Variants in CRIM1 observed in about 807,000 individuals in gnomAD.
The protein encoded by CRIM1 is cysteine rich transmembrane BMP regulator 1.
In CRIM1, 32 loss-of-function variants were observed where a neutral mutation model predicts 116.4. That is an observed-to-expected ratio of 0.27 (90% CI 0.21 to 0.37). CRIM1 has a LOEUF of 0.37. CRIM1 is among the 10% of genes least tolerant of loss of function. CRIM1 has a pLI of 1.00. For missense variants in CRIM1, 1,331 were observed against 1,354.8 expected (o/e 0.98, Z 0.28); for synonymous variants, 590 against 509.2 (o/e 1.16, Z -2.13).
chr2:36,482,560 A>C (rs994444853), intron 7 of CRIM1, among the ~76,000 whole-genome samples: 1 of 152,242 alleles, frequency 6.6e-6, no homozygotes, highest in East Asian at 1.9e-4. Flanking sequence ...TCAGAGTAGC[A>C]AAAGGATTGT....
chr2:36,528,149 A>G (rs1665881221), intron 13 of CRIM1, among the ~76,000 whole-genome samples: 1 of 152,250 alleles, frequency 6.6e-6, no homozygotes, highest in African/African-American at 2.4e-5. Flanking sequence ...CTCGTAACAC[A>G]GATTGCAGCT....
chr2:36,543,390 G>A (rs914935571), intron 14 of CRIM1, among the ~76,000 whole-genome samples: 4 of 152,188 alleles, frequency 2.6e-5, no homozygotes, highest in Non-Finnish European at 5.9e-5. Flanking sequence ...TCTGAGCAGA[G>A]GGGATTATTA....
intron 1 of CRIM1, among the ~76,000 whole-genome samples, chr2:36,380,704 G>C (rs926274589): frequency 5.9e-5 from 9 of 152,204 alleles, no homozygotes; most frequent in Non-Finnish European, 4.4e-5. Flanking sequence ...CCGAATGAAA[G>C]TGGTATTTCT....
At chr2:36,444,770 A>C (rs555727233) in intron 4 of CRIM1, among the ~76,000 whole-genome samples, 1 of 152,090 alleles carries the variant, frequency 6.6e-6, no homozygotes. Flanking sequence ...CTCCTCCTCC[A>C]GCTCTCTCAC....
chr2:36,535,706 A>C (rs1464467125), intron 13 of CRIM1, among the ~76,000 whole-genome samples: 2 of 152,294 alleles, frequency 1.3e-5, no homozygotes, highest in East Asian at 1.9e-4. Context: ...TGGAGTAAAA[A>C]TTTTACAATA....
intron 4 of CRIM1, among the ~76,000 whole-genome samples, chr2:36,452,447 G>A (rs573625502): frequency 3.9e-5 from 6 of 152,208 alleles, no homozygotes; most frequent in South Asian, 2.1e-4. Flanking sequence ...CCAAAAGAGC[G>A]AGTCAACTCA....
At chr2:36,402,242 G>C (rs1271311731) in intron 2 of CRIM1, among the ~76,000 whole-genome samples, 2 of 152,188 alleles carry the variant, frequency 1.3e-5, no homozygotes, top group African/African-American at 4.8e-5. Flanking sequence ...TTGGAAAATT[G>C]CTGTATTCAG....
intron 14 of CRIM1, among the ~76,000 whole-genome samples, chr2:36,541,171 C>G (rs1408258221): frequency 6.6e-6 from 1 of 152,072 alleles, no homozygotes; most frequent in East Asian, 1.9e-4. Context: ...GACTCACCAC[C>G]AAAGTTTCAC....
intron 4 of CRIM1, among the ~76,000 whole-genome samples, chr2:36,463,948 C>T (rs927988733): frequency 6.6e-6 from 1 of 152,172 alleles, no homozygotes; most frequent in African/African-American, 2.4e-5. Flanking sequence ...AGTCTTCAGT[C>T]CGTTTCTTTT....
At chr2:36,438,747 A>G (rs775135413) in intron 2 of CRIM1, among the ~76,000 whole-genome samples, 1 of 152,148 alleles carries the variant, frequency 6.6e-6, no homozygotes, top group Admixed American at 6.5e-5. Flanking sequence ...TGCCCAGAGA[A>G]ATCAGCTGAT....
chr2:36,546,349 C>G (rs1376086197), intron 15 of CRIM1, among the ~76,000 whole-genome samples: 2 of 152,052 alleles, frequency 1.3e-5, no homozygotes, highest in Non-Finnish European at 2.9e-5. Flanking sequence ...AAGTGCAAAA[C>G]TAAATGTAGT....
At chr2:36,456,307 A>G (rs777263897) in intron 4 of CRIM1, among the ~76,000 whole-genome samples, 3 of 152,226 alleles carry the variant, frequency 2.0e-5, no homozygotes, top group Non-Finnish European at 4.4e-5. Flanking sequence ...ACACTCGGTA[A>G]ACAGCTACAA....
chr2:36,479,796 C>G, intron 7 of CRIM1, 102 bp downstream of exon 7: 1 of 1,130,834 alleles, frequency 8.8e-7, no homozygotes, highest in Non-Finnish European at 1.3e-6. Flanking sequence ...GGCATAATGT[C>G]TGCTTCACGC....
At chr2:36,436,899 CAT>C (rs1431291863) in intron 2 of CRIM1, among the ~76,000 whole-genome samples, 1 of 152,094 alleles carries the variant, frequency 6.6e-6, no homozygotes, top group South Asian at 2.1e-4. Flanking sequence ...AAAAAGGAAA[CAT>C]ATAAATTACT....
At chr2:36,508,271 C>G (rs193289938) in intron 8 of CRIM1, among the ~76,000 whole-genome samples, 1 of 152,210 alleles carries the variant, frequency 6.6e-6, no homozygotes, top group Admixed American at 6.5e-5. Flanking sequence ...CACCATAAAT[C>G]ACATTTTCCT....
At chr2:36,390,849 G>A (rs796908794) in intron 1 of CRIM1, among the ~76,000 whole-genome samples, 57 of 151,068 alleles carry the variant, frequency 3.8e-4, no homozygotes, top group African/African-American at 1.2e-3. Context: ...TTGCTCTGTC[G>A]CCCAGGCTCA....
At chr2:36,509,892 A>G (rs1289959854) in intron 8 of CRIM1, 91 bp from the exon 9 acceptor site, 1 of 1,114,564 alleles carries the variant, frequency 9.0e-7, no homozygotes, top group Non-Finnish European at 1.3e-6. Context: ...GATCTGTGGA[A>G]GAGTGGAGGA....
chr2:36,539,094 C>A (rs1666761052), intron 14 of CRIM1, among the ~76,000 whole-genome samples: 1 of 152,184 alleles, frequency 6.6e-6, no homozygotes, highest in Non-Finnish European at 1.5e-5. Flanking sequence ...ACTAGGTAGC[C>A]ACCAAGATGG....
intron 7 of CRIM1, among the ~76,000 whole-genome samples, chr2:36,495,658 T>G (rs1488150379): frequency 6.6e-6 from 1 of 152,044 alleles, no homozygotes; most frequent in African/African-American, 2.4e-5. Context: ...TTGAAATGCT[T>G]TAATTGAGAA....
Sources: gnomAD v4.1 joint callset for allele counts (sites outside exome capture counted in the v4.1 genomes callset) on GRCh38, gnomAD v4.1.1 for gene constraint, MANE v1.5 for transcripts, NCBI Gene and HGNC (gene_info 2026-07-23, HGNC 2026-07-21) for gene names.